Variants in B3GAT2 observed in about 807,000 individuals in gnomAD.
B3GAT2 encodes beta-1,3-glucuronyltransferase 2.
In B3GAT2, 26 loss-of-function variants were observed where a neutral mutation model predicts 27.8. That is an observed-to-expected ratio of 0.93 (90% CI 0.68 to 1.30). The LOEUF (loss-of-function observed/expected upper bound fraction) is 1.30. B3GAT2 is among the 50% of genes most tolerant of loss of function. The pLI is 0.00. For missense variants in B3GAT2, 458 were observed against 459.0 expected (o/e 1.00, Z 0.02); for synonymous variants, 218 against 195.1 (o/e 1.12, Z -0.98).
At position 70,858,057 on chromosome 6, in the gene B3GAT2, T is replaced by C; in HGVS notation, c.*3606A>G. The C allele has an allele frequency of 6.2e-7, 1 of 1,614,006 alleles. No homozygotes were observed. Among genetic ancestry groups the C allele is most frequent in the Non-Finnish European group, 8.5e-7 (1 of 1,179,986 alleles). On this transcript the variant is annotated 3_prime_UTR_variant, in exon 4 of 4. Coordinates refer to ENST00000230053, the MANE Select transcript of B3GAT2 (RefSeq NM_080742.3). ...AATGTGATGGGACAGAGTCCAAGCA[T>C]GATGGTGGGCATGCCCATGCCCAAT...
At chr6:70,892,220 T>C (rs1482879524) in intron 2 of B3GAT2, among the ~76,000 whole-genome samples, 1 of 152,158 alleles carries the variant, frequency 6.6e-6, no homozygotes, top group African/African-American at 2.4e-5. Flanking sequence ...GGTCTTGTCA[T>C]GGAAAAAAGA....
At chr6:70,890,802 T>A (rs999403785) in intron 2 of B3GAT2, among the ~76,000 whole-genome samples, 1 of 152,244 alleles carries the variant, frequency 6.6e-6, no homozygotes, top group Non-Finnish European at 1.5e-5. Context: ...TTTAGCAGAA[T>A]AAAGTACCTA....
intron 1 of B3GAT2, among the ~76,000 whole-genome samples, chr6:70,914,419 G>A (rs1772735357): frequency 6.6e-6 from 1 of 152,118 alleles, no homozygotes; most frequent in South Asian, 2.1e-4. Flanking sequence ...TGCTGAGAAC[G>A]ATGATTTCCA....
chr6:70,947,699 G>A (rs1473773454), intron 1 of B3GAT2, among the ~76,000 whole-genome samples: 1 of 150,598 alleles, frequency 6.6e-6, no homozygotes, highest in Non-Finnish European at 1.5e-5. Context: ...CCAATCAATA[G>A]AAAAAGAGGG....
chr6:70,943,096 G>A (rs1341664047), intron 1 of B3GAT2, among the ~76,000 whole-genome samples: 1 of 152,116 alleles, frequency 6.6e-6, no homozygotes, highest in African/African-American at 2.4e-5. Flanking sequence ...TTAGGAAAAA[G>A]ACCCAATCTG....
intron 1 of B3GAT2, among the ~76,000 whole-genome samples, chr6:70,912,868 G>A (rs1445413804): frequency 1.3e-5 from 2 of 152,156 alleles, no homozygotes; most frequent in African/African-American, 4.8e-5. Flanking sequence ...GGTCTGTTCA[G>A]GGTTTCAATT....
intron 1 of B3GAT2, among the ~76,000 whole-genome samples, chr6:70,954,234 G>C (rs957096426): frequency 2.0e-5 from 3 of 152,164 alleles, no homozygotes; most frequent in African/African-American, 7.2e-5. Flanking sequence ...CTTTTGGAGG[G>C]GGGAGCACTG....
chr6:70,867,553 T>A (rs928244808), intron 2 of B3GAT2, among the ~76,000 whole-genome samples: 1 of 152,106 alleles, frequency 6.6e-6, no homozygotes, highest in Admixed American at 6.6e-5. Flanking sequence ...GATAGTAAAT[T>A]TGACAACTTA....
rs370336662 is a variant in B3GAT2 at position 70,956,048 on chromosome 6, G to C, written c.382C>G (p.Arg128Gly). ...GGCAGCCCGGCCCGCGCCAGGAAGC[G>C]GCTCACCAGCTCGCTGCGCGCCGCC... ...DAAARSELVS[R>G]FLARAGLPST... is the part of the protein sequence containing the mutation. The change falls in exon 1 of 4, where the codon CGC becomes GGC. Residue 128 changes from arginine (R) to glycine (G), a missense_variant. Physicochemically the swap from Arg to Gly is moderately radical, Grantham distance 125 (BLOSUM62 -2). Transcript: ENST00000230053. 3 of 1,576,098 alleles carry C rather than the reference G, an allele frequency of 1.9e-6. No individual in the cohort carries two copies. The highest frequency in any genetic ancestry group is 3.6e-5 in the Admixed American group (2 of 56,194).
intron 1 of B3GAT2, among the ~76,000 whole-genome samples, chr6:70,939,665 A>G (rs1765355689): frequency 6.7e-6 from 1 of 148,258 alleles, no homozygotes; most frequent in Non-Finnish European, 1.5e-5. Context: ...CCAACACCGC[A>G]TGTTCTCACT....
intron 2 of B3GAT2, among the ~76,000 whole-genome samples, chr6:70,862,271 G>GTGA (rs1410827728): frequency 1.3e-5 from 2 of 152,170 alleles, no homozygotes; most frequent in Non-Finnish European, 2.9e-5. Flanking sequence ...CTGTTTCACA[G>GTGA]TGATCATCAA....
At position 70,857,437 on chromosome 6, in the gene B3GAT2, G is replaced by A; in HGVS notation, c.*4226C>T. 5.9e-6 allele frequency: 1 copy of A among 168,090 alleles called. No individual in the cohort carries two copies. Among genetic ancestry groups the A allele is most frequent in the Non-Finnish European group, 1.3e-5 (1 of 77,962 alleles). 10.4% of individuals were successfully genotyped at this position (168,090 alleles called of 1,614,324 possible). A position where few individuals can be genotyped will look rare whatever the true frequency, so the allele number is the denominator to read the frequency against. On this transcript the variant is annotated 3_prime_UTR_variant, in exon 4 of 4. Coordinates refer to ENST00000230053, the MANE Select transcript of B3GAT2 (RefSeq NM_080742.3). Reference sequence around the variant, plus strand: ...TTTTTGTAATCATAACAAAATATTAGCATAAGCCTTATTGTTTACAGAGTT... The same window carrying A: ...TTTTTGTAATCATAACAAAATATTAACATAAGCCTTATTGTTTACAGAGTT...
chr6:70,881,326 C>CTAG (rs1330769818), intron 2 of B3GAT2, among the ~76,000 whole-genome samples: 1 of 152,150 alleles, frequency 6.6e-6, no homozygotes, highest in Non-Finnish European at 1.5e-5. Flanking sequence ...AGAATGAACT[C>CTAG]TAGAAATTTT....
chr6:70,862,106 A>G (rs1771763572), intron 2 of B3GAT2, 128 bp from the exon 3 acceptor site: 9 of 807,858 alleles, frequency 1.1e-5, no homozygotes, highest in Non-Finnish European at 1.5e-5. Flanking sequence ...TTGGTTTACA[A>G]AGTTGAATAG....
Position 70,869,732 on chromosome 6 carries a change from A to T in B3GAT2, c.737-7754T>A, listed in dbSNP as rs1412395271. ...GTATATAAATACAATTGATTTTCAT[A>T]TATTGATTTTGTATCAATGCAGTCT... is the stretch of plus-strand genomic sequence containing the variant. On this transcript the variant is annotated intron_variant, in intron 2 of 3. Transcript: ENST00000230053. Among the ~76,000 whole-genome samples, 3 of 152,214 alleles carry T rather than the reference A, an allele frequency of 2.0e-5. No individual in the cohort carries two copies. The East Asian group carries it at 5.8e-4, about 29-fold the overall frequency.
At position 70,939,721 on chromosome 6, in the gene B3GAT2, A is replaced by G. The variant is rs543001526; in HGVS notation, c.591+16118T>C. Among the ~76,000 whole-genome samples the G allele has an allele frequency of 4.7e-4, 71 of 150,370 alleles. No individual in the cohort carries two copies. In the East Asian group the frequency reaches 7.5e-3, roughly 16 times the overall value. ...TGAGAACACAGACACAGGAAGGGGA[A>G]CATCACACTCTGGGGACTGTTGTGG... On this transcript the variant is annotated intron_variant, in intron 1 of 3. Transcript: ENST00000230053.
chr6:70,862,158 T>C, intron 2 of B3GAT2, 180 bp from the exon 3 acceptor site: 1 of 611,316 alleles, frequency 1.6e-6, no homozygotes, highest in South Asian at 2.2e-5. Context: ...AATCAGTCAT[T>C]ACAATATTTT....
intron 2 of B3GAT2, among the ~76,000 whole-genome samples, chr6:70,867,115 C>T (rs1186927779): frequency 6.6e-6 from 1 of 151,964 alleles, no homozygotes; most frequent in Non-Finnish European, 1.5e-5. Context: ...AAGTGGTTAA[C>T]TGAATGAAAA....
intron 2 of B3GAT2, among the ~76,000 whole-genome samples, chr6:70,872,233 GTCT>G (rs1771949046): frequency 1.3e-5 from 2 of 151,994 alleles, no homozygotes; most frequent in Admixed American, 6.6e-5. Context: ...TGTTTTTCAA[GTCT>G]TCTATCCCAG....
Sources: allele counts gnomAD v4.1 joint callset (sites outside exome capture counted in the v4.1 genomes callset), GRCh38; gene constraint gnomAD v4.1.1; transcripts MANE v1.5; gene names NCBI Gene and HGNC (gene_info 2026-07-23, HGNC 2026-07-21).